The following EXD3 variants were observed in gnomAD, a reference collection of about 807,000 sequenced individuals.
EXD3 encodes the protein exonuclease mut-7 homolog.
EXD3 carries 92 observed loss-of-function variants against 98.0 expected under a neutral mutation model. The ratio of observed to expected loss-of-function variants is 0.94; its 90% CI spans 0.79 to 1.12. The LOEUF (loss-of-function observed/expected upper bound fraction) is 1.12, where lower values mean the gene tolerates loss of function less well. Among genes scored for constraint, EXD3 ranks in the 50% most tolerant of loss-of-function variants. The pLI, the probability that EXD3 is intolerant of heterozygous loss-of-function variation, is 0.00. For synonymous variants in EXD3, 569 were observed against 526.0 expected, an observed-to-expected ratio of 1.08 and a Z score of -1.12; for missense variants, 1,222 against 1,191.6, an observed-to-expected ratio of 1.03 and a Z score of -0.38.
rs531202375 is a variant in EXD3, at chr9:137,388,615, G to A, written c.56-5238C>T. On this transcript the variant is annotated intron_variant, in intron 2 of 21. Coordinates refer to ENST00000340951, the MANE Select transcript of EXD3 (RefSeq NM_017820.5). ...AGGAACTGAGGCCGACCCCAGCAGC[G>A]GGCGCCAGGCAGAGGACACCAGGCA... is the stretch of plus-strand genomic sequence containing the variant. 1.1e-4 allele frequency among the ~76,000 whole-genome samples: 16 copies of A among 152,242 alleles called. No individual in the cohort carries two copies. In the East Asian group the frequency reaches 2.7e-3, roughly 26 times the overall value.
intron 17 of EXD3, among the ~76,000 whole-genome samples, chr9:137,344,429 A>G (rs1334392524): frequency 1.3e-5 from 2 of 152,184 alleles, no homozygotes; most frequent in Non-Finnish European, 2.9e-5. Flanking sequence ...GTGGCTGACG[A>G]GACATGTCTG....
At chr9:137,310,515 C>A (rs192156455) in intron 19 of EXD3, among the ~76,000 whole-genome samples, 1 of 152,332 alleles carries the variant, frequency 6.6e-6, no homozygotes, top group East Asian at 1.9e-4. Flanking sequence ...AGGTGTGTGC[C>A]ACGCCCAGCC....
At chr9:137,388,463 C>T (rs1836724255) in intron 2 of EXD3, among the ~76,000 whole-genome samples, 1 of 152,140 alleles carries the variant, frequency 6.6e-6, no homozygotes. Context: ...CACAGACGCA[C>T]GCGGGAAACT....
chr9:137,345,045 G>C (rs991265323), intron 17 of EXD3, among the ~76,000 whole-genome samples: 3 of 152,234 alleles, frequency 2.0e-5, no homozygotes, highest in Non-Finnish European at 4.4e-5. Context: ...ACCTTCCACT[G>C]TCTGGAGATC....
chr9:137,314,451 C>T (rs545820898), intron 19 of EXD3, among the ~76,000 whole-genome samples: 2 of 152,148 alleles, frequency 1.3e-5, no homozygotes, highest in Admixed American at 6.5e-5. Flanking sequence ...GGATAGCGGC[C>T]GTCTTTTGGG....
At chr9:137,376,326 A>G (rs1305963515) in intron 3 of EXD3, among the ~76,000 whole-genome samples, 1 of 144,228 alleles carries the variant, frequency 6.9e-6, no homozygotes, top group Non-Finnish European at 1.5e-5. Flanking sequence ...CCTGGGCGAC[A>G]GAGCAAGACT....
At chr9:137,344,457 G>A (rs762312393) in intron 17 of EXD3, among the ~76,000 whole-genome samples, 2 of 152,172 alleles carry the variant, frequency 1.3e-5, no homozygotes, top group African/African-American at 2.4e-5. Context: ...TGTGAGTGGC[G>A]TGGAACTTCG....
chr9:137,414,805 C>G (rs986201367), intron 1 of EXD3, among the ~76,000 whole-genome samples: 3 of 152,180 alleles, frequency 2.0e-5, no homozygotes, highest in Non-Finnish European at 4.4e-5. Flanking sequence ...CAGGGGGGTG[C>G]TGGCATGTTT....
chr9:137,343,512 T>A (rs1207488135), intron 17 of EXD3: 1 of 148,110 alleles, frequency 6.8e-6, no homozygotes, highest in African/African-American at 2.5e-5. Flanking sequence ...AGGTTCCCAA[T>A]TAAGGGTATC....
Position 137,395,478 on chromosome 9 carries a change from C to T in EXD3, c.-47-74G>A. 7.0e-7 allele frequency: 1 copy of T among 1,437,538 alleles called. No individual in the cohort carries two copies. Among genetic ancestry groups the T allele is most frequent in the Non-Finnish European group, 9.5e-7 (1 of 1,047,224 alleles). The allele number at this position is 1,437,538 out of a possible 1,614,324, so 89.0% of individuals were successfully genotyped here. A position where few individuals can be genotyped will look rare whatever the true frequency, so the allele number is the denominator to read the frequency against. ...GCCATGCAGAGCCCACGCCCACAGC[C>T]CCTGGAGGTGGTGGAGGGAGCTGGT... On this transcript the variant is annotated intron_variant, in intron 1 of 21. Transcript: ENST00000340951. This position sits in a 1 kb window ranked among gnomAD's most constrained non-coding sequence, Gnocchi z 6.5.
At chr9:137,389,648 G>A (rs1836788329) in intron 2 of EXD3, among the ~76,000 whole-genome samples, 1 of 151,892 alleles carries the variant, frequency 6.6e-6, no homozygotes, top group African/African-American at 2.4e-5. Flanking sequence ...CGCTCGGAGC[G>A]AGAGGGACAG....
chr9:137,383,969 G>A (rs371058580), intron 2 of EXD3, among the ~76,000 whole-genome samples: 3 of 152,344 alleles, frequency 2.0e-5, no homozygotes, highest in Admixed American at 6.5e-5. Flanking sequence ...CAGGGGCTGC[G>A]TGGCTTGGCT....
intron 12 of EXD3, 82 bp from the exon 13 acceptor site, chr9:137,351,610 CTG>C: frequency 1.5e-6 from 2 of 1,354,600 alleles, no homozygotes; most frequent in Non-Finnish European, 2.0e-6. Flanking sequence ...CTGAGCAGCT[CTG>C]TGAGCTTGGG....
intron 2 of EXD3, among the ~76,000 whole-genome samples, chr9:137,386,488 T>C (rs905016626): frequency 6.6e-6 from 1 of 151,810 alleles, no homozygotes. Flanking sequence ...CCCACCGACC[T>C]GGGCCACTCC....
chr9:137,353,235 T>G (rs549307340), intron 10 of EXD3: 2 of 984,364 alleles, frequency 2.0e-6, no homozygotes, highest in South Asian at 9.4e-5. Context: ...CTTTCCAGCC[T>G]CCAAGCCTCC....
At chr9:137,419,810 CCAG>C (rs1838415220) in intron 1 of EXD3, among the ~76,000 whole-genome samples, 1 of 152,064 alleles carries the variant, frequency 6.6e-6, no homozygotes, top group Non-Finnish European at 1.5e-5. Context: ...ATAAAAACTT[CCAG>C]GACTCTTATT....
intron 17 of EXD3, among the ~76,000 whole-genome samples, chr9:137,334,710 C>G (rs974297016): frequency 5.9e-5 from 9 of 152,036 alleles, no homozygotes; most frequent in African/African-American, 1.9e-4. Flanking sequence ...GCAAATGCAA[C>G]AAAAACAAAA....
At chr9:137,341,017 C>T (rs369482109) in intron 17 of EXD3, among the ~76,000 whole-genome samples, 18 of 152,292 alleles carry the variant, frequency 1.2e-4, no homozygotes, top group South Asian at 6.2e-4. Flanking sequence ...CGTGGCATCA[C>T]GTAAAACTCA....
At chr9:137,321,768 AACT>A (rs1832044172) in intron 19 of EXD3, among the ~76,000 whole-genome samples, 1 of 152,268 alleles carries the variant, frequency 6.6e-6, no homozygotes, top group African/African-American at 2.4e-5. Context: ...ATGTGGCCCT[AACT>A]GCGGAACGTT....
Sources: gnomAD v4.1 joint callset for allele counts (sites outside exome capture counted in the v4.1 genomes callset) on GRCh38, gnomAD v4.1.1 for gene constraint, Gnocchi (gnomAD v3.1) non-coding constraint, MANE v1.5 for transcripts, NCBI Gene and HGNC (gene_info 2026-07-23, HGNC 2026-07-21) for gene names.